Variants in MAP4K3 observed in about 807,000 individuals in gnomAD.
MAP4K3 encodes mitogen-activated protein kinase kinase kinase kinase 3.
Under a neutral mutation model 143.5 loss-of-function variants are expected in MAP4K3, and 94 were observed. That is an observed-to-expected ratio of 0.65 (90% confidence interval 0.55 to 0.78). The LOEUF is 0.78. Ranked by LOEUF, MAP4K3 falls within the 30% of genes least tolerant of loss-of-function variation. The pLI, the probability that MAP4K3 is intolerant of heterozygous loss-of-function variation, is 0.00. For synonymous variants in MAP4K3, 416 were observed against 347.2 expected (o/e 1.20, Z -2.20); for missense variants, 1,077 against 1,068.1 (o/e 1.01, Z -0.12).
chr2:39,427,949 T>C (rs1216158770), intron 1 of MAP4K3, among the ~76,000 whole-genome samples: 1 of 152,196 alleles, frequency 6.6e-6, no homozygotes, highest in Non-Finnish European at 1.5e-5. Flanking sequence ...CAGCAGTATT[T>C]TTAACCCATA....
chr2:39,290,084 C>CAAAA (rs57058905), intron 19 of MAP4K3, among the ~76,000 whole-genome samples: 12 of 111,940 alleles, frequency 1.1e-4, no homozygotes, highest in African/African-American at 4.1e-4. Context: ...GAGACTGTCT[C>CAAAA]AAAAAAAAAA....
intron 1 of MAP4K3, chr2:39,436,671 T>A: frequency 1.8e-6 from 1 of 558,448 alleles, no homozygotes; most frequent in African/African-American, 2.0e-5. Flanking sequence ...AAAAATCATG[T>A]CCACCGGGGG....
At position 39,315,353 on chromosome 2, in the gene MAP4K3, T is replaced by C; in HGVS notation, c.954A>G (p.Thr318=). The C allele has an allele frequency of 6.2e-7, 1 of 1,612,698 alleles. No individual in the cohort carries two copies. Among genetic ancestry groups the C allele is most frequent in the Admixed American group, 1.7e-5 (1 of 60,000 alleles). ...LVAVPHRIHS[T]SRNVREEKTR... ...TTTTTTCTTCTCTCACGTTTCTACT[T>C]GTTGAGTGAATTCTATGTGGTACAG... Residue 318 remains threonine (T), a synonymous_variant, in exon 13 of 34, where the codon ACA becomes ACG. Coordinates refer to ENST00000263881, the MANE Select transcript of MAP4K3 (RefSeq NM_003618.4).
rs115453375 is a variant in MAP4K3, at chr2:39,258,072, C to T, written c.2470+276G>A. 5.9e-3 allele frequency among the ~76,000 whole-genome samples: 894 copies of T among 152,120 alleles called. 16 individuals are homozygous for T. The highest frequency in any genetic ancestry group is 0.021 in the African/African-American group (857 of 41,524). On this transcript the variant is annotated intron_variant, in intron 31 of 33. Transcript: ENST00000263881. The stretch of plus-strand genomic sequence containing the variant: ...TCAGCTTCCCAAGTAGCTCGGACTA[C>T]AGGCGTGTGCCAGCAAACCTGGATA...
At chr2:39,380,393 G>C (rs1666327942) in intron 1 of MAP4K3, among the ~76,000 whole-genome samples, 1 of 152,044 alleles carries the variant, frequency 6.6e-6, no homozygotes, top group Non-Finnish European at 1.5e-5. Context: ...ATTGACTGTA[G>C]TCAAGGTTAC....
At chr2:39,293,638 A>G (rs1682148611) in intron 16 of MAP4K3, among the ~76,000 whole-genome samples, 1 of 152,212 alleles carries the variant, frequency 6.6e-6, no homozygotes, top group Non-Finnish European at 1.5e-5. Flanking sequence ...TTTACCTGGA[A>G]TTTTATACCT....
chr2:39,297,828 G>A (rs760774105), intron 16 of MAP4K3, among the ~76,000 whole-genome samples: 12 of 152,148 alleles, frequency 7.9e-5, no homozygotes, highest in Non-Finnish European at 1.0e-4. Flanking sequence ...CCAAGGGTTC[G>A]TTACATAGAA....
intron 4 of MAP4K3, among the ~76,000 whole-genome samples, chr2:39,340,627 A>C (rs916914808): frequency 5.9e-5 from 9 of 152,194 alleles, no homozygotes; most frequent in African/African-American, 2.2e-4. Context: ...GACACCTAAG[A>C]CCAATCATAT....
At chr2:39,265,351 C>T in intron 27 of MAP4K3, 45 bp from the exon 28 acceptor site, 1 of 1,136,432 alleles carries the variant, frequency 8.8e-7, no homozygotes, top group Non-Finnish European at 1.3e-6. Context: ...AAAACAAAGT[C>T]ATTATGACAA....
chr2:39,375,405 C>T (rs533004731), intron 2 of MAP4K3, among the ~76,000 whole-genome samples: 10 of 152,222 alleles, frequency 6.6e-5, no homozygotes, highest in African/African-American at 2.4e-4. Flanking sequence ...TTACATGATG[C>T]TACAACAAGG....
intron 1 of MAP4K3, among the ~76,000 whole-genome samples, chr2:39,428,893 T>C (rs1665188124): frequency 6.7e-6 from 1 of 149,878 alleles, no homozygotes; most frequent in Non-Finnish European, 1.5e-5. Context: ...CATGGTGAAA[T>C]CCCGTCTCTA....
At chr2:39,267,117 G>T in intron 27 of MAP4K3, 72 bp downstream of exon 27, 1 of 1,375,370 alleles carries the variant, frequency 7.3e-7, no homozygotes, top group Non-Finnish European at 1.0e-6. Flanking sequence ...GAATGCCCTG[G>T]GGTAGTACTG....
intron 16 of MAP4K3, among the ~76,000 whole-genome samples, chr2:39,296,371 T>G (rs965882297): frequency 6.6e-5 from 10 of 152,238 alleles, no homozygotes; most frequent in African/African-American, 2.4e-4. Flanking sequence ...GATTGAATGT[T>G]ACACAATAAA....
At chr2:39,389,627 T>C (rs1666599251) in intron 1 of MAP4K3, among the ~76,000 whole-genome samples, 1 of 152,100 alleles carries the variant, frequency 6.6e-6, no homozygotes, top group Non-Finnish European at 1.5e-5. Flanking sequence ...CTGTAGAAAA[T>C]GCAGTGCTGA....
chr2:39,375,155 A>C (rs1275426474), intron 2 of MAP4K3, among the ~76,000 whole-genome samples: 1 of 152,010 alleles, frequency 6.6e-6, no homozygotes, highest in Non-Finnish European at 1.5e-5. Context: ...GCTACTTGGG[A>C]GACTGAGGTA....
intron 21 of MAP4K3, among the ~76,000 whole-genome samples, chr2:39,284,557 T>C (rs1681681159): frequency 6.6e-6 from 1 of 152,014 alleles, no homozygotes; most frequent in Admixed American, 6.6e-5. Context: ...TTATTTAAAA[T>C]AAATAAGGCT....
At chr2:39,421,591 T>C (rs930685088) in intron 1 of MAP4K3, among the ~76,000 whole-genome samples, 2 of 152,140 alleles carry the variant, frequency 1.3e-5, no homozygotes, top group African/African-American at 4.8e-5. Context: ...CCTCGTAAGG[T>C]TGTGAAGAGA....
chr2:39,368,758 T>G (rs573341476), intron 2 of MAP4K3, among the ~76,000 whole-genome samples: 7 of 152,360 alleles, frequency 4.6e-5, no homozygotes, highest in Admixed American at 3.3e-4. Context: ...CTCAACTTTC[T>G]GTTCTCTCAC....
At chr2:39,263,888 T>C (rs17023486) in intron 28 of MAP4K3, among the ~76,000 whole-genome samples, 11,944 of 152,236 alleles carry the variant, frequency 0.078, 1,589 homozygotes, top group African/African-American at 0.27. Flanking sequence ...ACATGGACAA[T>C]TCCTCTAACA....
Sources: allele counts gnomAD v4.1 joint callset (sites outside exome capture counted in the v4.1 genomes callset), GRCh38; gene constraint gnomAD v4.1.1; transcripts MANE v1.5; gene names NCBI Gene and HGNC (gene_info 2026-07-23, HGNC 2026-07-21).